Variants in OPCML observed in about 807,000 individuals in gnomAD.
The protein encoded by OPCML is opioid binding protein/cell adhesion molecule like, also known as opioid-binding protein/cell adhesion molecule.
OPCML carries 13 observed loss-of-function variants against 37.8 expected under a neutral mutation model. The ratio of observed to expected loss-of-function variants is 0.34; its 90% confidence interval spans 0.22 to 0.55. OPCML has a LOEUF of 0.55. Ranked by LOEUF, OPCML falls within the 20% of genes least tolerant of loss-of-function variation. The pLI is 0.91. For missense variants in OPCML, 341 were observed against 435.6 expected (o/e 0.78, Z 1.93); for synonymous variants, 176 against 168.8 (o/e 1.04, Z -0.33).
intron 3 of OPCML, among the ~76,000 whole-genome samples, chr11:132,651,879 AGAG>A (rs762700139): frequency 4.9e-4 from 74 of 152,342 alleles, no homozygotes; most frequent in Non-Finnish European, 9.0e-4. Context: ...GGGCTTAGCA[AGAG>A]GAGTTCATTC....
chr11:133,333,971 T>C (rs914923232), intron 1 of OPCML, among the ~76,000 whole-genome samples: 3 of 152,154 alleles, frequency 2.0e-5, no homozygotes, highest in Non-Finnish European at 4.4e-5. Flanking sequence ...AGAATGGCTG[T>C]TTATAATAAG....
chr11:132,945,474 G>A (rs898062235), intron 1 of OPCML, among the ~76,000 whole-genome samples: 1 of 152,210 alleles, frequency 6.6e-6, no homozygotes. Context: ...GCCGCAGACG[G>A]AGCTTGCAGA....
intron 1 of OPCML, among the ~76,000 whole-genome samples, chr11:133,274,993 T>TA (rs1331756876): frequency 5.3e-5 from 8 of 152,142 alleles, no homozygotes; most frequent in African/African-American, 1.9e-4. Context: ...ATCCTTAGGG[T>TA]TAGAGTGACA....
chr11:132,865,679 G>GAC (rs1942510763), intron 2 of OPCML, among the ~76,000 whole-genome samples: 1 of 152,112 alleles, frequency 6.6e-6, no homozygotes, highest in African/African-American at 2.4e-5. Context: ...TGGGGGAGTC[G>GAC]CCAAGACCAA....
At chr11:133,409,936 C>T (rs115173844) in intron 1 of OPCML, among the ~76,000 whole-genome samples, 2,110 of 152,034 alleles carry the variant, frequency 0.014, 39 homozygotes, top group African/African-American at 0.048. Context: ...AACACACAGG[C>T]GGGTCACATA....
At chr11:133,201,038 C>T (rs962972540) in intron 1 of OPCML, among the ~76,000 whole-genome samples, 12 of 152,194 alleles carry the variant, frequency 7.9e-5, no homozygotes, top group South Asian at 4.1e-4. Flanking sequence ...AACAGAAATC[C>T]GAGCACTGCA....
chr11:133,523,158 T>G (rs1038372734), intron 1 of OPCML, among the ~76,000 whole-genome samples: 1 of 152,186 alleles, frequency 6.6e-6, no homozygotes, highest in Non-Finnish European at 1.5e-5. Context: ...TATTCAATTT[T>G]AAGCCCTACA....
Position 132,593,135 on chromosome 11 carries a change from G to A in OPCML, c.380-63949C>T, listed in dbSNP as rs1591598023. 6.6e-5 allele frequency among the ~76,000 whole-genome samples: 10 copies of A among 152,308 alleles called. No individual in the cohort carries two copies. In the South Asian group the frequency reaches 1.7e-3, roughly 25 times the overall value. The stretch of plus-strand genomic sequence containing the variant: ...CAAGAAAGTCAGGGCAGGTGTGCAG[G>A]AAAACATGGCACTGGGCAGGAGCCT... On this transcript the variant is annotated intron_variant, in intron 3 of 7. Coordinates refer to ENST00000524381, the MANE Select transcript of OPCML (RefSeq NM_001012393.5).
chr11:132,745,578 A>AG, intron 2 of OPCML, among the ~76,000 whole-genome samples: 9 of 121,664 alleles, frequency 7.4e-5, no homozygotes, highest in African/African-American at 1.8e-4. Flanking sequence ...AAAAAAAAAA[A>AG]AAAAAGAAAG....
intron 1 of OPCML, among the ~76,000 whole-genome samples, chr11:133,431,466 T>TTTG (rs34308044): frequency 0.16 from 24,665 of 151,926 alleles, 4,451 homozygotes; most frequent in African/African-American, 0.45. Context: ...ATGTTTTTTG[T>TTTG]TTGTTTGTTT....
At chr11:132,501,592 G>A (rs569980434) in intron 4 of OPCML, among the ~76,000 whole-genome samples, 2 of 152,290 alleles carry the variant, frequency 1.3e-5, no homozygotes, top group South Asian at 2.1e-4. Context: ...ATGCCAAGAG[G>A]CATGGTTGTC....
chr11:132,953,308 C>T lies in OPCML; in HGVS notation c.62-10298G>A, dbSNP rs551375960. ...CACTCTCCACAGTCTGCAGAAACTC[C>T]GTGAAGCTGTCAGCCAAAGATCCAA... On this transcript the variant is annotated intron_variant, in intron 1 of 7. Coordinates refer to ENST00000524381, the MANE Select transcript of OPCML (RefSeq NM_001012393.5). Among the ~76,000 whole-genome samples, 15 of 152,282 alleles carry T rather than the reference C, an allele frequency of 9.9e-5. No homozygotes were observed. The South Asian group carries it at 2.7e-3, about 27-fold the overall frequency.
intron 1 of OPCML, among the ~76,000 whole-genome samples, chr11:133,396,063 C>T (rs992890423): frequency 6.6e-6 from 1 of 152,010 alleles, no homozygotes; most frequent in Non-Finnish European, 1.5e-5. Flanking sequence ...ATGTCTTTCG[C>T]CAGCTTTTAT....
At chr11:133,057,315 G>A (rs1948258301) in intron 1 of OPCML, among the ~76,000 whole-genome samples, 1 of 152,198 alleles carries the variant, frequency 6.6e-6, no homozygotes, top group Non-Finnish European at 1.5e-5. Context: ...ATTGGCATGG[G>A]GTTTGATTCA....
chr11:133,161,587 C>T (rs530432174), intron 1 of OPCML, among the ~76,000 whole-genome samples: 1 of 152,194 alleles, frequency 6.6e-6, no homozygotes, highest in Admixed American at 6.5e-5. Flanking sequence ...TGTCAGCTGG[C>T]CGATATTGAG....
At chr11:132,983,957 T>G in intron 1 of OPCML, among the ~76,000 whole-genome samples, 1 of 152,232 alleles carries the variant, frequency 6.6e-6, no homozygotes, top group Non-Finnish European at 1.5e-5. Context: ...TCTAATCCAT[T>G]GAGTTTACTA....
chr11:132,469,127 TG>T, intron 4 of OPCML, among the ~76,000 whole-genome samples: 1 of 152,330 alleles, frequency 6.6e-6, no homozygotes, highest in South Asian at 2.1e-4. Context: ...CTGTTTTAAG[TG>T]CCAAGAATTC....
chr11:133,140,763 C>CGACGAA (rs138549636), intron 1 of OPCML, among the ~76,000 whole-genome samples: 2 of 48,874 alleles, frequency 4.1e-5, no homozygotes, highest in Non-Finnish European at 5.8e-5. Flanking sequence ...AAGAAGACGA[C>CGACGAA]GAAGAAGAAG....
In OPCML at chr11:132,625,717, T is replaced by C. The variant is rs529598019; in HGVS notation, c.379+31370A>G. ...ACCATGAGCTGTTTGAAAACAGACATGATGTCTCTTATTTCTGCATACCCA... is the reference window on the plus strand; with the variant it reads ...ACCATGAGCTGTTTGAAAACAGACACGATGTCTCTTATTTCTGCATACCCA... On this transcript the variant is annotated intron_variant, in intron 3 of 7. Coordinates refer to ENST00000524381, the MANE Select transcript of OPCML (RefSeq NM_001012393.5). Among the ~76,000 whole-genome samples, 16 of 152,296 alleles carry C rather than the reference T, an allele frequency of 1.1e-4. No individual in the cohort carries two copies. In the South Asian group the frequency reaches 1.9e-3, roughly 18 times the overall value.
Sources: gnomAD v4.1 joint callset for allele counts (sites outside exome capture counted in the v4.1 genomes callset) on GRCh38, gnomAD v4.1.1 for gene constraint, MANE v1.5 for transcripts, NCBI Gene and HGNC (gene_info 2026-07-23, HGNC 2026-07-21) for gene names.